The following REV1 variants were observed in gnomAD, a reference collection of about 807,000 sequenced individuals.
REV1 encodes the protein translesion synthesis protein REV1.
Under a neutral mutation model 137.4 loss-of-function variants are expected in REV1, and 42 were observed. The observed-to-expected ratio is 0.31, with a 90% confidence interval of 0.24 to 0.40. REV1 has a LOEUF of 0.40. Among genes scored for constraint, REV1 ranks in the 10% least tolerant of loss-of-function variants. The probability of loss-of-function intolerance (pLI) is 1.00; values close to 1 mark genes in which losing one functional copy is unlikely to be tolerated. For missense variants in REV1, 1,282 were observed against 1,490.1 expected, an observed-to-expected ratio of 0.86 and a Z score of 2.30; for synonymous variants, 524 against 519.2, an observed-to-expected ratio of 1.01 and a Z score of -0.12.
chr2:99,483,034 ATT>A (rs57090260), intron 1 of REV1, among the ~76,000 whole-genome samples: 4 of 132,802 alleles, frequency 3.0e-5, no homozygotes, highest in Non-Finnish European at 5.1e-5. Flanking sequence ...AAAAAAAAAA[ATT>A]TTTTTTTTGT....
rs1251756617 is a variant in REV1, at chr2:99,410,504, TG to T, written c.2345+190del. On this transcript the variant is annotated intron_variant, in intron 14 of 22. Transcript: ENST00000258428. ...TGCCGTCAAACCAACCTCCTGTGTGTGGGCCTCGCTGAAACCAAGTGCATTA... is the reference window on the plus strand; with the variant it reads ...TGCCGTCAAACCAACCTCCTGTGTGTGGCCTCGCTGAAACCAAGTGCATTA... Among the ~76,000 whole-genome samples, 67 of 152,320 alleles carry T rather than the reference TG, an allele frequency of 4.4e-4. 2 individuals carry two copies. The highest frequency in any genetic ancestry group is 4.4e-3 in the Admixed American group (67 of 15,298).
At chr2:99,424,370 T>C in intron 9 of REV1, 90 bp from the exon 10 acceptor site, 1 of 1,302,294 alleles carries the variant, frequency 7.7e-7, no homozygotes, top group Non-Finnish European at 1.1e-6. Context: ...CCCATGCCAC[T>C]AATTTATAAT....
Position 99,400,674 on chromosome 2 carries a change from G to A in REV1, c.*567C>T, listed in dbSNP as rs1172629888. The A allele has an allele frequency of 1.2e-4, 19 of 152,186 alleles. No individual in the cohort carries two copies. The highest frequency in any genetic ancestry group is 1.5e-5 in the Non-Finnish European group (1 of 68,046). 9.4% of individuals were successfully genotyped at this position (152,186 alleles called of 1,614,324 possible). On this transcript the variant is annotated 3_prime_UTR_variant, in exon 23 of 23. Transcript: ENST00000258428. ...AAAAAATCTTCAAGTGGGTGTGAGG[G>A]TGTTTCTAATTCAAAATATGTAGAT...
rs758902128 is a variant in REV1 at position 99,402,688 on chromosome 2, T to A, written c.3497A>T (p.Asn1166Ile). The A allele has an allele frequency of 6.2e-7, 1 of 1,614,064 alleles. No homozygotes were observed. The highest frequency in any genetic ancestry group is 8.5e-7 in the Non-Finnish European group (1 of 1,180,042). ...APNLAGAVEF[N>I]DVKTLLREWI... Reference sequence around the variant, plus strand: ...TTCTCTGAGCAAGGTCTTCACATCATTGAATTCAACAGCTCCAGCTAGATT... The same window carrying A: ...TTCTCTGAGCAAGGTCTTCACATCAATGAATTCAACAGCTCCAGCTAGATT... The change falls in exon 21 of 23, where the codon AAT becomes ATT. Residue 1166 changes from asparagine (N) to isoleucine (I), a missense_variant. Transcript: ENST00000258428.
chr2:99,433,464 A>C (rs1680365845), intron 8 of REV1, among the ~76,000 whole-genome samples: 1 of 152,182 alleles, frequency 6.6e-6, no homozygotes. Context: ...AAAAGACTAT[A>C]ATCCCAAAAA....
Position 99,424,238 on chromosome 2 carries a change from T to G in REV1, c.1590A>C (p.Lys530Asn). The stretch of plus-strand genomic sequence containing the variant: ...CAGCTTGAAGATTAGGACATAGTTG[T>G]TTAGCATGCCCAAAAAACATTCCGT... ...IKNGMFFGHA[K>N]QLCPNLQAVP... The change falls in exon 10 of 23, where the codon AAA (lysine) becomes AAC (asparagine). Residue 530 changes from lysine (K) to asparagine (N), a missense_variant. Around this residue, in one of 7 missense-constraint regions of REV1, gnomAD observed 372 missense variants for 482.3 expected, o/e 0.77. Transcript: ENST00000258428. The G allele has an allele frequency of 6.2e-7, 1 of 1,613,988 alleles. No homozygotes were observed. Among genetic ancestry groups the G allele is most frequent in the Non-Finnish European group, 8.5e-7 (1 of 1,179,898 alleles).
At chr2:99,417,574 G>C (rs1309747561) in intron 12 of REV1, among the ~76,000 whole-genome samples, 1 of 152,170 alleles carries the variant, frequency 6.6e-6, no homozygotes, top group East Asian at 1.9e-4. Context: ...ATGCATATGG[G>C]GAAGGCCATG....
rs547054548 is a variant in REV1, at chr2:99,489,223, G to GCAA, written c.-11+591_-11+593dup. ...ACAAGCAGCAAGGAAAAACAAGGGA[G>GCAA]CAACAACCGCCTTCGGACATTCCGA... On this transcript the variant is annotated intron_variant, in intron 1 of 22. Transcript: ENST00000258428. 8.5e-5 allele frequency among the ~76,000 whole-genome samples: 13 copies of GCAA among 152,294 alleles called. No homozygotes were observed. The East Asian group carries it at 2.5e-3, about 30-fold the overall frequency.
At chr2:99,409,043 C>T (rs951176285) in intron 14 of REV1, among the ~76,000 whole-genome samples, 9 of 152,086 alleles carry the variant, frequency 5.9e-5, no homozygotes, top group Non-Finnish European at 1.0e-4. Flanking sequence ...AATCCCAAAA[C>T]GCTGGGAGGT....
At chr2:99,482,541 T>TG (rs1553572943) in intron 1 of REV1, among the ~76,000 whole-genome samples, 1 of 152,158 alleles carries the variant, frequency 6.6e-6, no homozygotes, top group African/African-American at 2.4e-5. Flanking sequence ...TACGATGCCT[T>TG]ACCTAACTCT....
intron 1 of REV1, among the ~76,000 whole-genome samples, chr2:99,485,701 C>T (rs936859397): frequency 2.0e-5 from 3 of 152,224 alleles, no homozygotes; most frequent in Non-Finnish European, 2.9e-5. Flanking sequence ...GACCAAACAC[C>T]AGTCACCATT....
At chr2:99,489,574 A>G (rs1687479904) in intron 1 of REV1, among the ~76,000 whole-genome samples, 1 of 147,998 alleles carries the variant, frequency 6.8e-6, no homozygotes, top group East Asian at 2.0e-4. Flanking sequence ...GACGGAAGGG[A>G]AGGGGAGGGG....
rs1027552727 is a variant in REV1 at position 99,407,214 on chromosome 2, G to A, written c.2449-724C>T. ...AGTGATTCTCCTGCCTCAGCCTCCC[G>A]AGTAGCTGGGACTATGAGGCATGCA... On this transcript the variant is annotated intron_variant, in intron 15 of 22. Coordinates refer to ENST00000258428, the MANE Select transcript of REV1 (RefSeq NM_016316.4). 4.2e-5 allele frequency among the ~76,000 whole-genome samples: 6 copies of A among 144,246 alleles called. 1 individual carries two copies. Among genetic ancestry groups the A allele is most frequent in the South Asian group, 4.6e-4 (2 of 4,390 alleles). 94.6% of individuals were successfully genotyped at this position (144,246 alleles called of 152,430 possible). A position where few individuals can be genotyped will look rare whatever the true frequency, so the allele number is the denominator to read the frequency against.
intron 8 of REV1, among the ~76,000 whole-genome samples, chr2:99,433,191 C>A (rs753302356): frequency 2.1e-4 from 32 of 152,088 alleles, no homozygotes; most frequent in Non-Finnish European, 3.8e-4. Context: ...GAAAAACCAA[C>A]CTACCACAAA....
intron 1 of REV1, among the ~76,000 whole-genome samples, chr2:99,489,330 C>G (rs1687433736): frequency 6.6e-6 from 1 of 152,128 alleles, no homozygotes; most frequent in Non-Finnish European, 1.5e-5. Context: ...AGCGGCGGCT[C>G]GACCGGGTCG....
intron 14 of REV1, chr2:99,408,480 T>C (rs1349095235): frequency 6.2e-6 from 1 of 162,440 alleles, no homozygotes; most frequent in Non-Finnish European, 1.3e-5. Context: ...AAGTGAATGG[T>C]AAACACAATG....
At chr2:99,422,953 G>T (rs1453654210) in intron 10 of REV1, among the ~76,000 whole-genome samples, 1 of 152,128 alleles carries the variant, frequency 6.6e-6, no homozygotes, top group Non-Finnish European at 1.5e-5. Flanking sequence ...TTTCAAAGAG[G>T]ATTTAAAGCA....
At position 99,482,206 on chromosome 2, in the gene REV1, T is replaced by C. The variant is rs571791464; in HGVS notation, c.-11+7611A>G. Among the ~76,000 whole-genome samples the C allele has an allele frequency of 3.3e-5, 5 of 152,312 alleles. No homozygotes were observed. In the East Asian group the frequency reaches 9.6e-4, roughly 29 times the overall value. ...AAAACTCCAGATGCTGTAGAGTAAG[T>C]GAGGTTTCCTGGCTGGCAATCATTC... On this transcript the variant is annotated intron_variant, in intron 1 of 22. Coordinates refer to ENST00000258428, the MANE Select transcript of REV1 (RefSeq NM_016316.4).
intron 2 of REV1, 95 bp from the exon 3 acceptor site, chr2:99,462,717 G>A (rs1684365558): frequency 1.0e-5 from 13 of 1,241,464 alleles, no homozygotes; most frequent in Non-Finnish European, 1.4e-5. Flanking sequence ...TAAATAAATG[G>A]ACCTTATTCT....
Sources: allele counts gnomAD v4.1 joint callset (sites outside exome capture counted in the v4.1 genomes callset), GRCh38; gene constraint gnomAD v4.1.1; regional missense constraint gnomAD v4.1.1; transcripts MANE v1.5; gene names NCBI Gene and HGNC (gene_info 2026-07-23, HGNC 2026-07-21).